SPINK8: variants seen among roughly 807,000 people sequenced by gnomAD.
The protein encoded by SPINK8 is serine protease inhibitor Kazal-type 8.
Under a neutral mutation model 14.4 loss-of-function variants are expected in SPINK8, and 12 were observed. The ratio of observed to expected loss-of-function variants is 0.83; its 90% CI spans 0.53 to 1.35. The LOEUF (loss-of-function observed/expected upper bound fraction) is 1.35, where lower values mean the gene tolerates loss of function less well. SPINK8 is among the 40% of genes most tolerant of loss of function. SPINK8 has a pLI of 0.00. For missense variants in SPINK8, 103 were observed against 117.0 expected, an observed-to-expected ratio of 0.88 and a Z score of 0.55; for synonymous variants, 32 against 37.6, an observed-to-expected ratio of 0.85 and a Z score of 0.55.
At chr3:48,307,716 G>T (rs2035868613) in intron 7 of SPINK8, among the ~76,000 whole-genome samples, 1 of 151,950 alleles carries the variant, frequency 6.6e-6, no homozygotes, top group African/African-American at 2.4e-5. Flanking sequence ...TATCTCATTT[G>T]AGTTCATTCA....
chr3:48,323,876 T>C (rs2036106641), intron 4 of SPINK8, among the ~76,000 whole-genome samples: 2 of 152,210 alleles, frequency 1.3e-5, no homozygotes, highest in Admixed American at 1.3e-4. Flanking sequence ...CCAAACTGTC[T>C]TGATGTCTGT....
chr3:48,323,068 C>G (rs2036095778), intron 4 of SPINK8, among the ~76,000 whole-genome samples: 1 of 152,188 alleles, frequency 6.6e-6, no homozygotes, highest in South Asian at 2.1e-4. Context: ...CACATCTTTG[C>G]TAACATTTGT....
intron 6 of SPINK8, 129 bp from the exon 7 acceptor site, chr3:48,310,075 A>T: frequency 8.7e-7 from 1 of 1,144,670 alleles, no homozygotes; most frequent in East Asian, 3.6e-5. Context: ...TTCTTGGCAA[A>T]TATTTAAAAA....
intron 6 of SPINK8, among the ~76,000 whole-genome samples, chr3:48,317,031 A>G (rs1041484930): frequency 6.6e-6 from 1 of 152,230 alleles, no homozygotes; most frequent in Non-Finnish European, 1.5e-5. Flanking sequence ...ATAGGAAAAT[A>G]ATAGACAGTA....
intron 7 of SPINK8, among the ~76,000 whole-genome samples, chr3:48,307,445 T>C (rs966488588): frequency 7.3e-5 from 11 of 150,794 alleles, no homozygotes; most frequent in African/African-American, 2.7e-4. Context: ...TTCTTCCACT[T>C]CCTCTTCCTC....
intron 6 of SPINK8, among the ~76,000 whole-genome samples, chr3:48,318,706 T>C (rs1350585044): frequency 6.6e-6 from 1 of 152,228 alleles, no homozygotes; most frequent in Non-Finnish European, 1.5e-5. Context: ...CAAATATCTC[T>C]CATCCTGATC....
At chr3:48,325,417 T>A (rs2036125350) in intron 4 of SPINK8, among the ~76,000 whole-genome samples, 1 of 150,196 alleles carries the variant, frequency 6.7e-6, no homozygotes, top group Admixed American at 6.7e-5. Context: ...TTTTTTAATG[T>A]AACGTTGTAA....
chr3:48,309,456 T>G (rs1347809482), intron 7 of SPINK8, among the ~76,000 whole-genome samples: 1 of 152,258 alleles, frequency 6.6e-6, no homozygotes, highest in Non-Finnish European at 1.5e-5. Context: ...GAAATAGATG[T>G]TCTTTAAGCT....
At chr3:48,329,532 C>T (rs542352176) in intron 2 of SPINK8, among the ~76,000 whole-genome samples, 17 of 152,344 alleles carry the variant, frequency 1.1e-4, no homozygotes, top group East Asian at 9.6e-4. Flanking sequence ...ACATTCAAGA[C>T]GGCTTCAGAT....
chr3:48,322,996 T>C (rs1300091414), intron 4 of SPINK8, among the ~76,000 whole-genome samples: 1 of 152,228 alleles, frequency 6.6e-6, no homozygotes, highest in Non-Finnish European at 1.5e-5. Flanking sequence ...CTTGCCAGGC[T>C]ATTTTCCAAA....
intron 6 of SPINK8, among the ~76,000 whole-genome samples, chr3:48,316,618 A>C (rs2035997042): frequency 6.6e-6 from 1 of 152,014 alleles, no homozygotes. Context: ...AAATACAAAA[A>C]CAAATTTAGC....
intron 7 of SPINK8, among the ~76,000 whole-genome samples, chr3:48,307,626 T>C (rs1200294090): frequency 3.4e-5 from 5 of 145,922 alleles, no homozygotes; most frequent in African/African-American, 1.0e-4. Flanking sequence ...TGCCAATAGC[T>C]CATTGTAGTT....
chr3:48,327,488 G>A (rs753929658), intron 4 of SPINK8, among the ~76,000 whole-genome samples: 6 of 152,200 alleles, frequency 3.9e-5, no homozygotes, highest in Non-Finnish European at 5.9e-5. Flanking sequence ...GTGTGTTCCC[G>A]ACAGAGGATG....
intron 6 of SPINK8, among the ~76,000 whole-genome samples, chr3:48,317,940 C>A (rs971950071): frequency 6.6e-6 from 1 of 151,932 alleles, no homozygotes; most frequent in East Asian, 1.9e-4. Context: ...GTCAGGGTCT[C>A]GCTATGTTGC....
At chr3:48,331,851 G>T (rs2036267795) in intron 2 of SPINK8, among the ~76,000 whole-genome samples, 1 of 152,224 alleles carries the variant, frequency 6.6e-6, no homozygotes, top group African/African-American at 2.4e-5. Context: ...GACTGAGAAG[G>T]CCGCGCTAGT....
chr3:48,309,230 C>T (rs1403852854), intron 7 of SPINK8, among the ~76,000 whole-genome samples: 1 of 152,138 alleles, frequency 6.6e-6, no homozygotes, highest in African/African-American at 2.4e-5. Context: ...TTGATTTCTC[C>T]CAGTCTTGTT....
chr3:48,319,263 A>T (rs1047482260), intron 6 of SPINK8, among the ~76,000 whole-genome samples: 1 of 152,162 alleles, frequency 6.6e-6, no homozygotes, highest in African/African-American at 2.4e-5. Flanking sequence ...TGTCCAGGTC[A>T]CACACAGTGC....
intron 4 of SPINK8, among the ~76,000 whole-genome samples, chr3:48,325,901 CTTTCT>C (rs985824545): frequency 2.0e-5 from 3 of 150,320 alleles, no homozygotes; most frequent in Non-Finnish European, 4.4e-5. Context: ...CCCAACCGTC[CTTTCT>C]TTTCTTTTCT....
At chr3:48,311,059 C>T (rs1426525755) in intron 6 of SPINK8, among the ~76,000 whole-genome samples, 2 of 149,768 alleles carry the variant, frequency 1.3e-5, no homozygotes, top group Non-Finnish European at 1.5e-5. Context: ...GGCCTTTATC[C>T]CAAGAATTCA....
Sources: gnomAD v4.1 joint callset for allele counts (sites outside exome capture counted in the v4.1 genomes callset) on GRCh38, gnomAD v4.1.1 for gene constraint, MANE v1.5 for transcripts, NCBI Gene and HGNC (gene_info 2026-07-23, HGNC 2026-07-21) for gene names.